The following SND1 variants were observed in gnomAD, a reference collection of about 807,000 sequenced individuals.
SND1 encodes the protein staphylococcal nuclease domain-containing protein 1.
In SND1, 38 loss-of-function variants were observed where a neutral mutation model predicts 121.7. The ratio of observed to expected loss-of-function variants is 0.31; its 90% CI spans 0.24 to 0.41. The LOEUF (loss-of-function observed/expected upper bound fraction) is 0.41. Ranked by LOEUF, SND1 falls within the 10% of genes least tolerant of loss-of-function variation. The pLI is 1.00. For missense variants in SND1, 868 were observed against 1,184.6 expected, an observed-to-expected ratio of 0.73 and a Z score of 3.92; for synonymous variants, 401 against 447.4, an observed-to-expected ratio of 0.90 and a Z score of 1.31.
intron 16 of SND1, among the ~76,000 whole-genome samples, chr7:128,014,170 C>G (rs767912907): frequency 2.0e-5 from 3 of 152,176 alleles, no homozygotes; most frequent in Non-Finnish European, 4.4e-5. Flanking sequence ...AGTCACTCAG[C>G]TTAAGCACAA....
At chr7:127,709,680 C>T (rs1445031446) in intron 9 of SND1, among the ~76,000 whole-genome samples, 1 of 151,892 alleles carries the variant, frequency 6.6e-6, no homozygotes, top group East Asian at 1.9e-4. Flanking sequence ...TAAAAGAGAG[C>T]GAGGCTTTTA....
At chr7:127,912,555 G>A (rs74699931) in intron 14 of SND1, among the ~76,000 whole-genome samples, 5 of 152,112 alleles carry the variant, frequency 3.3e-5, no homozygotes, top group East Asian at 3.8e-4. Flanking sequence ...CTGTTTTTGC[G>A]TCTGTAGCAA....
intron 12 of SND1, among the ~76,000 whole-genome samples, chr7:127,884,533 C>T (rs1412192542): frequency 2.0e-5 from 3 of 152,146 alleles, no homozygotes; most frequent in African/African-American, 7.2e-5. Context: ...TAGGGTTCCT[C>T]TGACGGACAA....
chr7:128,032,123 T>C (rs1346241325), intron 16 of SND1: 1 of 151,894 alleles, frequency 6.6e-6, no homozygotes, highest in East Asian at 2.0e-4. Context: ...TGACGCATAC[T>C]GTTCTGGGAG....
At chr7:128,057,153 C>T (rs1331614243) in intron 16 of SND1, among the ~76,000 whole-genome samples, 2 of 152,002 alleles carry the variant, frequency 1.3e-5, no homozygotes, top group Non-Finnish European at 2.9e-5. Context: ...AGCGGTTGAC[C>T]ACGGGTAAAT....
At chr7:127,749,069 G>A (rs1360679005) in intron 10 of SND1, among the ~76,000 whole-genome samples, 10 of 121,346 alleles carry the variant, frequency 8.2e-5, no homozygotes, top group Admixed American at 1.9e-4. Context: ...TTTTGAGACA[G>A]GGTCTCACTC....
chr7:127,944,972 C>T (rs1007877651), intron 15 of SND1, among the ~76,000 whole-genome samples: 1 of 152,190 alleles, frequency 6.6e-6, no homozygotes. Context: ...CCTCAATTAA[C>T]TGCCATCCAC....
chr7:127,935,036 C>T (rs1489712689), intron 15 of SND1, among the ~76,000 whole-genome samples: 1 of 152,142 alleles, frequency 6.6e-6, no homozygotes, highest in Non-Finnish European at 1.5e-5. Context: ...TTACATAAAA[C>T]ATCAAGTATA....
chr7:127,878,809 G>T (rs1799736595), intron 12 of SND1, among the ~76,000 whole-genome samples: 1 of 152,082 alleles, frequency 6.6e-6, no homozygotes, highest in South Asian at 2.1e-4. Context: ...AAGAAGGTGG[G>T]AGAGAGATTT....
chr7:127,867,078 T>G (rs1053599674), intron 12 of SND1, among the ~76,000 whole-genome samples: 1 of 152,204 alleles, frequency 6.6e-6, no homozygotes, highest in African/African-American at 2.4e-5. Context: ...GCTTTTCTTC[T>G]TCTTGCCTTC....
chr7:127,863,509 T>TA (rs1322292554), intron 12 of SND1, among the ~76,000 whole-genome samples: 1 of 152,248 alleles, frequency 6.6e-6, no homozygotes, highest in Non-Finnish European at 1.5e-5. Flanking sequence ...GCTGTCATAT[T>TA]ACAGTGTGCT....
At chr7:127,784,689 G>A (rs538189596) in intron 10 of SND1, among the ~76,000 whole-genome samples, 1 of 152,192 alleles carries the variant, frequency 6.6e-6, no homozygotes. Context: ...TCACAGTCCT[G>A]TATTTTTGAG....
At chr7:128,077,824 C>T (rs1793531780) in intron 17 of SND1, among the ~76,000 whole-genome samples, 1 of 152,244 alleles carries the variant, frequency 6.6e-6, no homozygotes, top group African/African-American at 2.4e-5. Flanking sequence ...CTGCCCAGCT[C>T]TTTGGCCATA....
At chr7:127,812,859 G>C (rs538411519) in intron 11 of SND1, among the ~76,000 whole-genome samples, 14 of 152,196 alleles carry the variant, frequency 9.2e-5, no homozygotes, top group South Asian at 8.3e-4. Flanking sequence ...CAAAAAGCTG[G>C]GATTCTGGGG....
chr7:128,030,525 G>A (rs377002702), intron 16 of SND1: 13 of 1,613,292 alleles, frequency 8.1e-6, no homozygotes, highest in Non-Finnish European at 1.0e-5. Context: ...CCCGGCTGAG[G>A]CGGCAGCAGC....
At chr7:128,066,559 A>G (rs1793318279) in intron 16 of SND1, among the ~76,000 whole-genome samples, 1 of 152,216 alleles carries the variant, frequency 6.6e-6, no homozygotes, top group African/African-American at 2.4e-5. Context: ...TGCAGATGGT[A>G]ACGAGACCCA....
chr7:127,888,156 AAAG>A lies in SND1; in HGVS notation c.1454+148_1454+150del, dbSNP rs1279998977. 1.9e-5 allele frequency: 11 copies of A among 571,048 alleles called. No individual in the cohort carries two copies. The East Asian group carries it at 2.7e-4, about 14-fold the overall frequency. 35.4% of individuals were successfully genotyped at this position (571,048 alleles called of 1,614,324 possible). A position where few individuals can be genotyped will look rare whatever the true frequency, so the allele number is the denominator to read the frequency against. On this transcript the variant is annotated intron_variant, in intron 13 of 23. Transcript: ENST00000354725. The stretch of plus-strand genomic sequence containing the variant: ...TTATTATTCTAGATTTTCCCCATGA[AAAG>A]AAGGACACACTTTGAACTTGCTGTC...
chr7:127,726,433 T>C (rs942714318), intron 10 of SND1, among the ~76,000 whole-genome samples: 5 of 152,222 alleles, frequency 3.3e-5, no homozygotes, highest in African/African-American at 9.6e-5. Flanking sequence ...GTGATGCTCT[T>C]GTGAACCTGG....
At chr7:127,997,718 C>T (rs566408917) in intron 16 of SND1, 24 of 533,350 alleles carry the variant, frequency 4.5e-5, no homozygotes, top group Middle Eastern at 3.2e-4. Flanking sequence ...CCACTCACTT[C>T]GTAATTCGTG....
Sources: allele counts gnomAD v4.1 joint callset (sites outside exome capture counted in the v4.1 genomes callset), GRCh38; gene constraint gnomAD v4.1.1; transcripts MANE v1.5; gene names NCBI Gene and HGNC (gene_info 2026-07-23, HGNC 2026-07-21).